Variants in ZYG11A observed in about 807,000 individuals in gnomAD.
ZYG11A encodes the protein zyg-11 family member A, cell cycle regulator, also known as protein zyg-11 homolog A.
A neutral mutation model predicts 77.2 loss-of-function variants in ZYG11A; 62 were observed. The observed-to-expected ratio is 0.80, with a 90% CI of 0.65 to 0.99. The LOEUF (loss-of-function observed/expected upper bound fraction) is 0.99, where lower values mean the gene tolerates loss of function less well. Ranked by LOEUF, ZYG11A falls within the 50% of genes least tolerant of loss-of-function variation. The pLI is 0.00. For missense variants in ZYG11A, 828 were observed against 896.8 expected (o/e 0.92, Z 0.98); for synonymous variants, 315 against 324.6 (o/e 0.97, Z 0.32).
intron 10 of ZYG11A, among the ~76,000 whole-genome samples, chr1:52,878,699 GA>G (rs1646305222): frequency 6.6e-6 from 1 of 152,012 alleles, no homozygotes; most frequent in African/African-American, 2.4e-5. Context: ...AGCACTTTGG[GA>G]GGCCGAGGTG....
At chr1:52,871,166 C>T (rs80151386) in intron 8 of ZYG11A, among the ~76,000 whole-genome samples, 2,559 of 152,198 alleles carry the variant, frequency 0.017, 81 homozygotes, top group African/African-American at 0.057. Context: ...GACTTGATCT[C>T]ATCCTGTGCT....
At chr1:52,886,033 C>T (rs963917683) in intron 12 of ZYG11A, 139 bp downstream of exon 12, 139 of 563,816 alleles carry the variant, frequency 2.5e-4, no homozygotes, top group African/African-American at 2.1e-3. Flanking sequence ...CCCGGGTTCA[C>T]GCCATTCTCC....
At chr1:52,847,996 A>C (rs898100159) in intron 1 of ZYG11A, among the ~76,000 whole-genome samples, 2 of 151,998 alleles carry the variant, frequency 1.3e-5, no homozygotes, top group Non-Finnish European at 1.5e-5. Context: ...CAGCCTCCTA[A>C]GTAGCTGGGA....
intron 3 of ZYG11A, among the ~76,000 whole-genome samples, chr1:52,859,610 C>T (rs894574732): frequency 2.0e-5 from 3 of 149,174 alleles, no homozygotes; most frequent in African/African-American, 7.4e-5. Context: ...GCTAGGATTA[C>T]AGGTGTGAGC....
chr1:52,856,628 C>T (rs1645817851), intron 2 of ZYG11A, among the ~76,000 whole-genome samples: 1 of 152,100 alleles, frequency 6.6e-6, no homozygotes, highest in Admixed American at 6.6e-5. Flanking sequence ...ATATCCTGTA[C>T]TTATCTACCT....
chr1:52,864,086 C>A lies in ZYG11A; in HGVS notation c.1255C>A (p.Pro419Thr), dbSNP rs766505429. ...ACGCCAGGGCCTGGCCAAGGGGATG[C>A]CTGTTCGCCTGTTGTCAGAGGTCAC... ...LTRQGLAKGM[P>T]VRLLSEVTCL... The change falls in exon 5 of 14, where the codon CCT becomes ACT. Residue 419 changes from proline (P) to threonine (T), a missense_variant. Physicochemically the swap from Pro to Thr is conservative, Grantham distance 38. Transcript: ENST00000371528. 8.1e-5 allele frequency: 125 copies of A among 1,551,834 alleles called. No individual in the cohort carries two copies. The highest frequency in any genetic ancestry group is 1.1e-4 in the Non-Finnish European group (121 of 1,147,068).
At chr1:52,858,597 G>A (rs150649900) in intron 3 of ZYG11A, among the ~76,000 whole-genome samples, 3,736 of 150,944 alleles carry the variant, frequency 0.025, 68 homozygotes, top group Middle Eastern at 0.044. Context: ...GAACCACTGC[G>A]CCCGGCCCGA....
chr1:52,888,027 A>G (rs1207133807), intron 13 of ZYG11A, among the ~76,000 whole-genome samples: 3 of 152,282 alleles, frequency 2.0e-5, no homozygotes, highest in East Asian at 3.9e-4. Flanking sequence ...GTGTATAAAA[A>G]CCAATAGTTT....
chr1:52,878,061 G>C, intron 10 of ZYG11A, 92 bp downstream of exon 10: 1 of 1,064,344 alleles, frequency 9.4e-7, no homozygotes, highest in Non-Finnish European at 1.4e-6. Flanking sequence ...AGTATTGTAA[G>C]CAATTTACAT....
intron 8 of ZYG11A, among the ~76,000 whole-genome samples, chr1:52,871,500 C>CTT (rs779790381): frequency 0.018 from 2,628 of 142,982 alleles, 84 homozygotes; most frequent in African/African-American, 0.063. Context: ...TAACTTTTAT[C>CTT]TTTTTTTTTT....
At chr1:52,850,947 T>C (rs1013987935) in intron 1 of ZYG11A, among the ~76,000 whole-genome samples, 3 of 152,226 alleles carry the variant, frequency 2.0e-5, no homozygotes, top group African/African-American at 7.2e-5. Flanking sequence ...ATTGACTTTT[T>C]TTTCCTGCTT....
intron 2 of ZYG11A, among the ~76,000 whole-genome samples, chr1:52,856,278 G>A (rs1010904700): frequency 1.3e-5 from 2 of 151,726 alleles, no homozygotes; most frequent in Non-Finnish European, 2.9e-5. Context: ...ATTACCTTAC[G>A]TGCCTGTTAC....
chr1:52,877,871 T>C (rs1646289739), intron 9 of ZYG11A, 28 bp downstream of exon 9: 2 of 1,550,992 alleles, frequency 1.3e-6, no homozygotes, highest in Non-Finnish European at 1.7e-6. Flanking sequence ...AGTTTATATG[T>C]AAAGTTCTTC....
intron 6 of ZYG11A, among the ~76,000 whole-genome samples, chr1:52,867,013 G>A (rs1196879036): frequency 1.3e-5 from 2 of 152,080 alleles, no homozygotes; most frequent in Non-Finnish European, 2.9e-5. Context: ...CATCATCCTA[G>A]CCATTCCAGA....
chr1:52,886,123 G>A (rs916861945), intron 12 of ZYG11A, among the ~76,000 whole-genome samples: 4 of 151,984 alleles, frequency 2.6e-5, no homozygotes, highest in Middle Eastern at 3.4e-3. Context: ...TAGTGGAGAC[G>A]GGGTTTCACC....
chr1:52,870,532 T>G (rs1041442913), intron 8 of ZYG11A, among the ~76,000 whole-genome samples: 4 of 152,150 alleles, frequency 2.6e-5, no homozygotes, highest in African/African-American at 9.7e-5. Context: ...GAGGTTGTAG[T>G]GAGCCGAGAT....
At chr1:52,869,933 C>T (rs1482509006) in intron 8 of ZYG11A, among the ~76,000 whole-genome samples, 143 of 52,946 alleles carry the variant, frequency 2.7e-3, no homozygotes, top group Non-Finnish European at 4.5e-3. Flanking sequence ...ACCTCCCTCC[C>T]AGACAGGGTG....
At chr1:52,869,561 G>A (rs1284252381) in intron 8 of ZYG11A, among the ~76,000 whole-genome samples, 2 of 151,790 alleles carry the variant, frequency 1.3e-5, no homozygotes, top group Non-Finnish European at 2.9e-5. Flanking sequence ...AGGGTTGGGG[G>A]TAAGGTCATA....
At chr1:52,886,698 A>G (rs1646457412) in intron 12 of ZYG11A, among the ~76,000 whole-genome samples, 1 of 64,474 alleles carries the variant, frequency 1.6e-5, no homozygotes, top group African/African-American at 6.9e-5. Context: ...AGGCCCAGCT[A>G]ATTTTTTTTT....
Sources: gnomAD v4.1 joint callset for allele counts (sites outside exome capture counted in the v4.1 genomes callset) on GRCh38, gnomAD v4.1.1 for gene constraint, MANE v1.5 for transcripts, NCBI Gene and HGNC (gene_info 2026-07-23, HGNC 2026-07-21) for gene names.